Variants in MARCHF3 observed in about 807,000 individuals in gnomAD.
MARCHF3 encodes the protein E3 ubiquitin-protein ligase MARCHF3.
In MARCHF3, 13 loss-of-function variants were observed where a neutral mutation model predicts 24.2. That is an observed-to-expected ratio of 0.54 (90% CI 0.35 to 0.85). The LOEUF (loss-of-function observed/expected upper bound fraction) is 0.85. Among genes scored for constraint, MARCHF3 ranks in the 40% least tolerant of loss-of-function variants. The pLI, the probability that MARCHF3 is intolerant of heterozygous loss-of-function variation, is 0.01. For missense variants in MARCHF3, 276 were observed against 325.0 expected (o/e 0.85, Z 1.16); for synonymous variants, 144 against 137.3 (o/e 1.05, Z -0.34).
intron 3 of MARCHF3, chr5:126,914,562 T>C: frequency 3.1e-6 from 1 of 324,010 alleles, no homozygotes; most frequent in Non-Finnish European, 5.8e-6. Flanking sequence ...TATCTCCTGC[T>C]TCAAGTTGGG....
chr5:126,953,683 C>G (rs1750328939), intron 1 of MARCHF3, among the ~76,000 whole-genome samples: 1 of 152,194 alleles, frequency 6.6e-6, no homozygotes, highest in Admixed American at 6.5e-5. Context: ...AGCATCACAT[C>G]TTTATCTTTT....
At chr5:126,919,236 G>T (rs757542441) in intron 1 of MARCHF3, among the ~76,000 whole-genome samples, 25 of 152,274 alleles carry the variant, frequency 1.6e-4, no homozygotes, top group Non-Finnish European at 3.2e-4. Context: ...TCAATAATAG[G>T]TCAGCATGTG....
chr5:126,898,157 C>T (rs1226670953), intron 3 of MARCHF3, among the ~76,000 whole-genome samples: 1 of 151,956 alleles, frequency 6.6e-6, no homozygotes, highest in Admixed American at 6.6e-5. Context: ...CGTGAAAATA[C>T]AAAATACCAT....
At chr5:126,889,038 T>C (rs1433255229) in intron 3 of MARCHF3, among the ~76,000 whole-genome samples, 2 of 152,242 alleles carry the variant, frequency 1.3e-5, no homozygotes, top group Non-Finnish European at 2.9e-5. Context: ...GTGCTGGGAT[T>C]ACAGGTGTGA....
intron 1 of MARCHF3, among the ~76,000 whole-genome samples, chr5:126,945,688 G>A (rs1434295863): frequency 2.0e-5 from 3 of 152,204 alleles, no homozygotes; most frequent in African/African-American, 4.8e-5. Flanking sequence ...CATGGTAAAG[G>A]TTGTAAGTAT....
chr5:127,016,464 C>T (rs1022411992), intron 1 of MARCHF3, among the ~76,000 whole-genome samples: 1 of 152,140 alleles, frequency 6.6e-6, no homozygotes, highest in Non-Finnish European at 1.5e-5. Flanking sequence ...TGAACAGATA[C>T]TTCTCAAAAG....
At chr5:126,895,907 C>T (rs183278256) in intron 3 of MARCHF3, among the ~76,000 whole-genome samples, 17 of 152,290 alleles carry the variant, frequency 1.1e-4, no homozygotes, top group African/African-American at 3.6e-4. Context: ...GCCCCTCCCC[C>T]AGCCTTGCTG....
chr5:126,951,055 A>C (rs1287058892), intron 1 of MARCHF3, among the ~76,000 whole-genome samples: 1 of 152,062 alleles, frequency 6.6e-6, no homozygotes, highest in Admixed American at 6.5e-5. Flanking sequence ...TGCCACCACC[A>C]CTTCAACAAA....
At chr5:126,951,939 C>T (rs187589474) in intron 1 of MARCHF3, among the ~76,000 whole-genome samples, 505 of 152,174 alleles carry the variant, frequency 3.3e-3, no homozygotes, top group Admixed American at 4.5e-3. Flanking sequence ...CTCTGCCTCC[C>T]GGGTTCAAGC....
chr5:126,998,575 T>C (rs1752021969), intron 1 of MARCHF3, among the ~76,000 whole-genome samples: 2 of 152,188 alleles, frequency 1.3e-5, no homozygotes, highest in Non-Finnish European at 2.9e-5. Flanking sequence ...GCTGCAAATG[T>C]ACTTTCTCAC....
intron 1 of MARCHF3, among the ~76,000 whole-genome samples, chr5:126,946,072 T>TA (rs1749998727): frequency 6.6e-6 from 1 of 151,774 alleles, no homozygotes; most frequent in Non-Finnish European, 1.5e-5. Flanking sequence ...GAGTGGCACT[T>TA]AAAAAAATAG....
intron 1 of MARCHF3, among the ~76,000 whole-genome samples, chr5:126,921,444 C>T (rs560971282): frequency 6.6e-6 from 1 of 152,116 alleles, no homozygotes; most frequent in Non-Finnish European, 1.5e-5. Context: ...AAGCTGCATG[C>T]ACCAACTGGC....
intron 3 of MARCHF3, among the ~76,000 whole-genome samples, chr5:126,913,728 A>G (rs894902476): frequency 6.6e-6 from 1 of 152,246 alleles, no homozygotes; most frequent in East Asian, 1.9e-4. Context: ...GTCAAACCCA[A>G]GAGAATGTAT....
intron 3 of MARCHF3, among the ~76,000 whole-genome samples, chr5:126,909,086 G>A (rs1437664831): frequency 2.0e-5 from 3 of 152,192 alleles, no homozygotes; most frequent in African/African-American, 7.2e-5. Context: ...GGCCGTGTGA[G>A]GTGTCAGTCT....
intron 3 of MARCHF3, among the ~76,000 whole-genome samples, chr5:126,883,886 A>G (rs570470250): frequency 1.3e-5 from 2 of 152,322 alleles, no homozygotes; most frequent in East Asian, 3.9e-4. Flanking sequence ...GAATCTCCTT[A>G]ATGAGAAACC....
chr5:127,026,097 T>TA (rs76667904), intron 1 of MARCHF3, among the ~76,000 whole-genome samples: 162 of 138,154 alleles, frequency 1.2e-3, no homozygotes, highest in African/African-American at 1.7e-3. Flanking sequence ...ATGCCATAGC[T>TA]AAAAAAAAAA....
In MARCHF3 at chr5:126,935,601, CT is replaced by C. The variant is rs202058243; in HGVS notation, c.-56-17375del. 3.7e-3 allele frequency among the ~76,000 whole-genome samples: 260 copies of C among 70,618 alleles called. 1 individual carries two copies. Among genetic ancestry groups the C allele is most frequent in the African/African-American group, 9.3e-3 (173 of 18,586 alleles). The allele number at this position is 70,618 out of a possible 152,430, so 46.3% of individuals were successfully genotyped here. On this transcript the variant is annotated intron_variant, in intron 1 of 4. Transcript: ENST00000308660. ...CTAAAAAGTACGAATGTATATATGG[CT>C]TTTTTTTTTTTTTTTTTTTTTTTTT...
intron 1 of MARCHF3, among the ~76,000 whole-genome samples, chr5:126,960,740 T>TGCCATTTTTATGCATTAAAAAG (rs1750612777): frequency 1.3e-5 from 2 of 152,078 alleles, no homozygotes; most frequent in African/African-American, 4.8e-5. Flanking sequence ...AATGATATTT[T>TGCCATTTTTATGCATTAAAAAG]GCCATTTTTA....
rs759577287 is a variant in MARCHF3 at position 126,897,045 on chromosome 5, A to ATTTTTTTT, written c.393+17877_393+17884dup. Among the ~76,000 whole-genome samples, 47 of 116,450 alleles carry ATTTTTTTT rather than the reference A, an allele frequency of 4.0e-4. 3 individuals are homozygous for ATTTTTTTT. Among genetic ancestry groups the ATTTTTTTT allele is most frequent in the African/African-American group, 1.5e-3 (43 of 27,832 alleles). 76.4% of individuals were successfully genotyped at this position (116,450 alleles called of 152,430 possible). ...CAATCCAACTTTCTGAAGTTTGAGA[A>ATTTTTTTT]TTTTTTTTTTTGAGATGGAGTTTCA... On this transcript the variant is annotated intron_variant, in intron 3 of 4. Transcript: ENST00000308660.
Sources: allele counts gnomAD v4.1 joint callset (sites outside exome capture counted in the v4.1 genomes callset), GRCh38; gene constraint gnomAD v4.1.1; transcripts MANE v1.5; gene names NCBI Gene and HGNC (gene_info 2026-07-23, HGNC 2026-07-21).